The following CDH18 variants were observed in gnomAD, a reference collection of about 807,000 sequenced individuals.
CDH18 encodes the protein cadherin 18, also known as cadherin-18.
In CDH18, 31 loss-of-function variants were observed where a neutral mutation model predicts 67.9. The observed-to-expected ratio is 0.46, with a 90% confidence interval of 0.34 to 0.62. CDH18 has a LOEUF of 0.62. Ranked by LOEUF, CDH18 falls within the 20% of genes least tolerant of loss-of-function variation. The pLI is 0.01. For missense variants in CDH18, 890 were observed against 975.5 expected (o/e 0.91, Z 1.17); for synonymous variants, 362 against 347.2 (o/e 1.04, Z -0.48).
rs963953995 is a variant in CDH18 at position 20,337,331 on chromosome 5, C to T, written c.-579-81826G>A. Among the ~76,000 whole-genome samples, 4 of 152,206 alleles carry T rather than the reference C, an allele frequency of 2.6e-5. No homozygotes were observed. In the East Asian group the frequency reaches 7.7e-4, roughly 29 times the overall value. Reference sequence around the variant, plus strand: ...ATTGTCAGGCTGCAAATTTTCCAAACTTTTATGCTCTGCTTTCATTATAAA... The same window carrying T: ...ATTGTCAGGCTGCAAATTTTCCAAATTTTTATGCTCTGCTTTCATTATAAA... On this transcript the variant is annotated intron_variant, in intron 1 of 14. Coordinates refer to the CDH18 transcript ENST00000507958.
At chr5:19,780,050 T>G (rs1220041192) in intron 3 of CDH18, among the ~76,000 whole-genome samples, 1 of 152,152 alleles carries the variant, frequency 6.6e-6, no homozygotes, top group Non-Finnish European at 1.5e-5. Context: ...TTTCCTTATG[T>G]AACCTTCTTA....
intron 9 of CDH18, among the ~76,000 whole-genome samples, chr5:19,530,892 C>A (rs1329528401): frequency 1.6e-5 from 2 of 125,950 alleles, no homozygotes; most frequent in East Asian, 4.3e-4. Flanking sequence ...CGCAATATAC[C>A]CTTGCGCTTC....
chr5:20,162,705 A>G (rs1370523148), intron 2 of CDH18, among the ~76,000 whole-genome samples: 2 of 151,452 alleles, frequency 1.3e-5, no homozygotes, highest in Non-Finnish European at 2.9e-5. Flanking sequence ...ATGTATATAC[A>G]TACATATATA....
At chr5:19,615,774 T>C (rs1580510568) in intron 5 of CDH18, among the ~76,000 whole-genome samples, 6 of 152,316 alleles carry the variant, frequency 3.9e-5, no homozygotes, top group South Asian at 2.1e-4. Context: ...TGTTATGCAA[T>C]TGGAATCATA....
intron 2 of CDH18, among the ~76,000 whole-genome samples, chr5:19,895,852 G>A (rs115038727): frequency 0.011 from 1,727 of 152,134 alleles, 15 homozygotes; most frequent in Middle Eastern, 0.02. Context: ...CAGGGGTGAG[G>A]GGACCAGTGA....
chr5:20,271,639 A>C (rs935657390), intron 1 of CDH18, among the ~76,000 whole-genome samples: 1 of 152,134 alleles, frequency 6.6e-6, no homozygotes, highest in African/African-American at 2.4e-5. Flanking sequence ...CACGTCACAC[A>C]CACTCAAACA....
chr5:20,251,989 C>G (rs1300645933), intron 2 of CDH18, among the ~76,000 whole-genome samples: 1 of 152,044 alleles, frequency 6.6e-6, no homozygotes, highest in Non-Finnish European at 1.5e-5. Context: ...AAAGTAAGTT[C>G]AAACAATATA....
intron 3 of CDH18, among the ~76,000 whole-genome samples, chr5:19,777,594 T>C (rs1200039570): frequency 6.6e-6 from 1 of 152,208 alleles, no homozygotes; most frequent in Non-Finnish European, 1.5e-5. Flanking sequence ...TTGTTGGCAT[T>C]CTTGCAGATG....
At chr5:19,570,689 CT>C (rs1741236002) in intron 8 of CDH18, among the ~76,000 whole-genome samples, 2 of 151,914 alleles carry the variant, frequency 1.3e-5, no homozygotes, top group African/African-American at 4.8e-5. Context: ...TGTATGCAGC[CT>C]TTCTGATTTT....
chr5:20,120,994 G>A (rs1748307585), intron 2 of CDH18, among the ~76,000 whole-genome samples: 1 of 152,072 alleles, frequency 6.6e-6, no homozygotes, highest in African/African-American at 2.4e-5. Context: ...CAACTAGATA[G>A]TTGATATATC....
chr5:20,115,766 C>T (rs573266556), intron 2 of CDH18, among the ~76,000 whole-genome samples: 43 of 152,222 alleles, frequency 2.8e-4, no homozygotes, highest in African/African-American at 1.0e-3. Flanking sequence ...CCATCAGCCT[C>T]CATTTGATAC....
intron 2 of CDH18, among the ~76,000 whole-genome samples, chr5:20,062,020 C>T (rs977865336): frequency 6.6e-6 from 1 of 151,988 alleles, no homozygotes; most frequent in Non-Finnish European, 1.5e-5. Context: ...CTCACAATGA[C>T]ACAATGGTGA....
At chr5:19,687,650 C>T (rs937555936) in intron 5 of CDH18, among the ~76,000 whole-genome samples, 1 of 152,160 alleles carries the variant, frequency 6.6e-6, no homozygotes, top group Non-Finnish European at 1.5e-5. Context: ...GTTTCACATG[C>T]CTTAGAGACT....
intron 1 of CDH18, among the ~76,000 whole-genome samples, chr5:20,461,675 A>G (rs1751275733): frequency 6.6e-6 from 1 of 152,160 alleles, no homozygotes; most frequent in Non-Finnish European, 1.5e-5. Context: ...ACTATCATGT[A>G]TCATTACCTA....
intron 1 of CDH18, among the ~76,000 whole-genome samples, chr5:20,477,191 A>G (rs536335984): frequency 6.6e-6 from 1 of 152,018 alleles, no homozygotes; most frequent in African/African-American, 2.4e-5. Flanking sequence ...AGAAAAATAT[A>G]CACACACACA....
intron 1 of CDH18, among the ~76,000 whole-genome samples, chr5:20,281,011 A>C (rs1746219540): frequency 1.3e-5 from 2 of 152,134 alleles, no homozygotes; most frequent in Admixed American, 1.3e-4. Flanking sequence ...TCTTCTTTTG[A>C]GAAGTGTCTG....
At chr5:19,496,726 C>T (rs1004414039) in intron 11 of CDH18, among the ~76,000 whole-genome samples, 4 of 148,552 alleles carry the variant, frequency 2.7e-5, no homozygotes, top group Admixed American at 6.9e-5. Flanking sequence ...TTAGGAGAAT[C>T]GCTTGAACCT....
intron 2 of CDH18, among the ~76,000 whole-genome samples, chr5:19,995,707 C>T (rs1259779137): frequency 6.6e-6 from 1 of 151,664 alleles, no homozygotes; most frequent in African/African-American, 2.4e-5. Flanking sequence ...GTTGTAAGTG[C>T]TCAGTAAATG....
intron 9 of CDH18, among the ~76,000 whole-genome samples, chr5:19,529,118 A>G (rs533730350): frequency 6.6e-6 from 1 of 151,994 alleles, no homozygotes; most frequent in Non-Finnish European, 1.5e-5. Context: ...AGAGACTTAC[A>G]TAATCTGAGC....
Sources: gnomAD v4.1 joint callset for allele counts (sites outside exome capture counted in the v4.1 genomes callset) on GRCh38, gnomAD v4.1.1 for gene constraint, MANE v1.5 for transcripts, NCBI Gene and HGNC (gene_info 2026-07-23, HGNC 2026-07-21) for gene names.